RARB: variants seen among roughly 807,000 people sequenced by gnomAD.
RARB encodes the protein retinoic acid receptor beta, also known as HBV-activated protein.
Under a neutral mutation model 51.9 loss-of-function variants are expected in RARB, and 17 were observed. The observed-to-expected ratio is 0.33, with a 90% confidence interval of 0.22 to 0.49. The LOEUF is 0.49. Ranked by LOEUF, RARB falls within the 20% of genes least tolerant of loss-of-function variation. The probability of loss-of-function intolerance (pLI) is 0.99; values close to 1 mark genes in which losing one functional copy is unlikely to be tolerated. For missense variants in RARB, 369 were observed against 550.8 expected (o/e 0.67, Z 3.30); for synonymous variants, 215 against 195.4 (o/e 1.10, Z -0.84).
chr3:25,133,832 G>A (rs78134799), intron 4 of RARB, among the ~76,000 whole-genome samples: 2 of 27,972 alleles, frequency 7.2e-5, no homozygotes, highest in African/African-American at 3.2e-4. Context: ...ACACAAGGAG[G>A]GGGGAAGGAT....
At chr3:25,052,187 A>T (rs1251495230) in intron 2 of RARB, among the ~76,000 whole-genome samples, 1 of 152,216 alleles carries the variant, frequency 6.6e-6, no homozygotes, top group Non-Finnish European at 1.5e-5. Context: ...ATCCATCCTG[A>T]GGAGAAGAGC....
intron 5 of RARB, among the ~76,000 whole-genome samples, chr3:25,349,073 C>G (rs890634821): frequency 1.3e-5 from 2 of 152,142 alleles, no homozygotes; most frequent in Non-Finnish European, 2.9e-5. Context: ...ATTACCCATT[C>G]ATGTCCTACA....
chr3:25,157,324 C>T (rs533802716), intron 4 of RARB, among the ~76,000 whole-genome samples: 21 of 147,696 alleles, frequency 1.4e-4, no homozygotes, highest in South Asian at 6.6e-4. Flanking sequence ...TTCCTTAGTG[C>T]GAGGCACAGT....
intron 3 of RARB, among the ~76,000 whole-genome samples, chr3:25,084,693 C>G (rs1047106343): frequency 6.6e-6 from 1 of 151,304 alleles, no homozygotes; most frequent in African/African-American, 2.4e-5. Flanking sequence ...TTGATATTAT[C>G]TCTTACTGCT....
chr3:24,984,747 T>G lies in RARB; in HGVS notation c.-379-75378T>G, dbSNP rs144348321. On this transcript the variant is annotated intron_variant, in intron 2 of 11. Transcript: ENST00000383772. ...TTTACTAAAAGTATTTTAGATGTTA[T>G]ATGCACAAAAAAGTTGCTGTGTTGG... Among the ~76,000 whole-genome samples, 77 of 117,580 alleles carry G rather than the reference T, an allele frequency of 6.5e-4. 1 individual carries two copies. Among genetic ancestry groups the G allele is most frequent in the Admixed American group, 3.6e-3 (37 of 10,386 alleles). 77.1% of individuals were successfully genotyped at this position (117,580 alleles called of 152,430 possible). A position where few individuals can be genotyped will look rare whatever the true frequency, so the allele number is the denominator to read the frequency against.
chr3:25,166,461 T>C (rs1700562987), intron 4 of RARB, among the ~76,000 whole-genome samples: 1 of 152,086 alleles, frequency 6.6e-6, no homozygotes, highest in African/African-American at 2.4e-5. Flanking sequence ...TGAGCTAAAA[T>C]ACATTGGGAA....
chr3:25,389,170 C>T (rs749129161), intron 5 of RARB, among the ~76,000 whole-genome samples: 2 of 152,104 alleles, frequency 1.3e-5, no homozygotes, highest in Middle Eastern at 3.2e-3. Flanking sequence ...ACAATCTGTC[C>T]GTTTTCTTGA....
chr3:25,083,580 A>G (rs986274444), intron 3 of RARB, among the ~76,000 whole-genome samples: 29 of 152,158 alleles, frequency 1.9e-4, no homozygotes, highest in African/African-American at 6.3e-4. Context: ...TATATTTACA[A>G]TAACTTTTGA....
chr3:24,958,119 C>T (rs1251067895), intron 2 of RARB, among the ~76,000 whole-genome samples: 1 of 152,074 alleles, frequency 6.6e-6, no homozygotes, highest in Admixed American at 6.6e-5. Context: ...CAGCAGGGCT[C>T]TTGGAGCCCT....
At chr3:25,437,431 G>A (rs190969007) in intron 1 of RARB, among the ~76,000 whole-genome samples, 2 of 152,146 alleles carry the variant, frequency 1.3e-5, no homozygotes, top group Non-Finnish European at 2.9e-5. Context: ...TGGCTCTTGG[G>A]TGTCTGCCAT....
chr3:24,840,856 C>T (rs939038828), intron 1 of RARB, among the ~76,000 whole-genome samples: 31 of 151,792 alleles, frequency 2.0e-4, no homozygotes, highest in Middle Eastern at 3.5e-3. Flanking sequence ...GGACATCTAT[C>T]CTTTTCCAGA....
At chr3:25,221,100 G>A (rs971448116) in intron 5 of RARB, among the ~76,000 whole-genome samples, 6 of 149,536 alleles carry the variant, frequency 4.0e-5, no homozygotes, top group Non-Finnish European at 8.8e-5. Flanking sequence ...GACAAAAAAA[G>A]AAGTGGATTT....
intron 2 of RARB, among the ~76,000 whole-genome samples, chr3:24,887,634 T>C (rs1703289859): frequency 6.6e-6 from 1 of 152,240 alleles, no homozygotes; most frequent in Non-Finnish European, 1.5e-5. Context: ...TCTAGAATAA[T>C]CTAACAACTC....
At chr3:25,492,280 A>T (rs75583414) in intron 2 of RARB, among the ~76,000 whole-genome samples, 5,181 of 152,320 alleles carry the variant, frequency 0.034, 106 homozygotes, top group Non-Finnish European at 0.048. Context: ...ATAGAAAAAG[A>T]TATATTTTCA....
At chr3:25,069,400 C>T (rs1169305710) in intron 3 of RARB, among the ~76,000 whole-genome samples, 2 of 152,108 alleles carry the variant, frequency 1.3e-5, no homozygotes, top group Non-Finnish European at 2.9e-5. Context: ...AAGGGCTTTC[C>T]CAGACAGTTT....
chr3:24,863,821 T>G (rs898776309), intron 2 of RARB, among the ~76,000 whole-genome samples: 2 of 151,990 alleles, frequency 1.3e-5, no homozygotes, highest in East Asian at 3.9e-4. Flanking sequence ...AAATCGAGAT[T>G]ATGAAAATAA....
chr3:24,931,548 T>C (rs1052129356), intron 2 of RARB, among the ~76,000 whole-genome samples: 2 of 152,030 alleles, frequency 1.3e-5, no homozygotes, highest in Non-Finnish European at 2.9e-5. Context: ...AAATGTCACC[T>C]GGTAAAGTCT....
chr3:25,553,042 C>A lies in RARB; in HGVS notation c.449-16716C>A, dbSNP rs192408927. ...AAAACAGATATCCTACGAAGGAAGA[C>A]GGGCAAACTATAATTCACTTGGTGA... On this transcript the variant is annotated intron_variant, in intron 3 of 7. Coordinates refer to ENST00000330688, the MANE Select transcript of RARB (RefSeq NM_000965.5). 2.4e-3 allele frequency among the ~76,000 whole-genome samples: 360 copies of A among 152,008 alleles called. 1 individual carries two copies. Among genetic ancestry groups the A allele is most frequent in the African/African-American group, 8.1e-3 (335 of 41,460 alleles).
At chr3:25,072,166 C>T (rs1698780376) in intron 3 of RARB, among the ~76,000 whole-genome samples, 1 of 152,050 alleles carries the variant, frequency 6.6e-6, no homozygotes, top group South Asian at 2.1e-4. Context: ...CCTCTCATTG[C>T]CTCAAAATTT....
Sources: gnomAD v4.1 joint callset for allele counts (sites outside exome capture counted in the v4.1 genomes callset) on GRCh38, gnomAD v4.1.1 for gene constraint, MANE v1.5 for transcripts, NCBI Gene and HGNC (gene_info 2026-07-23, HGNC 2026-07-21) for gene names.